GARS1: variants seen among roughly 807,000 people sequenced by gnomAD.
GARS1 encodes the protein glycyl-tRNA synthetase 1, also known as glycine--tRNA ligase.
GARS1 carries 46 observed loss-of-function variants against 86.4 expected under a neutral mutation model. The ratio of observed to expected loss-of-function variants is 0.53; its 90% CI spans 0.42 to 0.68. The LOEUF (loss-of-function observed/expected upper bound fraction) is 0.68, where lower values mean the gene tolerates loss of function less well. Ranked by LOEUF, GARS1 falls within the 30% of genes least tolerant of loss-of-function variation. The pLI, the probability that GARS1 is intolerant of heterozygous loss-of-function variation, is 0.00. For synonymous variants in GARS1, 342 were observed against 329.8 expected (o/e 1.04, Z -0.40); for missense variants, 797 against 915.6 (o/e 0.87, Z 1.67).
At chr7:30,625,248 T>A (rs1200138118) in intron 12 of GARS1, among the ~76,000 whole-genome samples, 1 of 152,120 alleles carries the variant, frequency 6.6e-6, no homozygotes, top group Non-Finnish European at 1.5e-5. Flanking sequence ...CTGACCCAAT[T>A]GCAACTCTTT....
intron 12 of GARS1, among the ~76,000 whole-genome samples, chr7:30,624,184 G>T (rs1384803339): frequency 6.6e-6 from 1 of 152,038 alleles, no homozygotes; most frequent in African/African-American, 2.4e-5. Flanking sequence ...GTTCTTTCTA[G>T]TGTGGCCCAG....
intron 6 of GARS1, among the ~76,000 whole-genome samples, chr7:30,605,015 T>G (rs1007979037): frequency 6.6e-4 from 101 of 152,230 alleles, no homozygotes; most frequent in African/African-American, 1.9e-3. Flanking sequence ...GAGCAATTTG[T>G]TTTTTGACTT....
intron 1 of GARS1, among the ~76,000 whole-genome samples, chr7:30,598,119 C>A (rs754747263): frequency 6.6e-6 from 1 of 151,804 alleles, no homozygotes; most frequent in Non-Finnish European, 1.5e-5. Flanking sequence ...TTTTTGTAAG[C>A]GAGAGGAGAG....
At chr7:30,612,770 C>T (rs899309154) in intron 8 of GARS1, among the ~76,000 whole-genome samples, 6 of 152,122 alleles carry the variant, frequency 3.9e-5, no homozygotes, top group African/African-American at 1.4e-4. Flanking sequence ...GGCCAGCAAG[C>T]AAGCTTACCC....
At chr7:30,617,739 A>G (rs1022925525) in intron 10 of GARS1, among the ~76,000 whole-genome samples, 1 of 152,186 alleles carries the variant, frequency 6.6e-6, no homozygotes, top group Admixed American at 6.5e-5. Flanking sequence ...TACCTTCCTC[A>G]AATGTTATGT....
chr7:30,631,963 A>G (rs1012725083), intron 15 of GARS1: 12 of 444,182 alleles, frequency 2.7e-5, no homozygotes, highest in Non-Finnish European at 5.0e-5. Flanking sequence ...GCTTAGAGCC[A>G]TAAAAATAGA....
chr7:30,604,440 C>G (rs879507829), intron 6 of GARS1, among the ~76,000 whole-genome samples: 2 of 152,190 alleles, frequency 1.3e-5, no homozygotes, highest in African/African-American at 2.4e-5. Context: ...ATCTCTCTCT[C>G]TCTCTCTGCC....
At chr7:30,595,676 A>G (rs1455640512) in intron 1 of GARS1, 2 of 446,276 alleles carry the variant, frequency 4.5e-6, no homozygotes, top group South Asian at 1.6e-5. Flanking sequence ...CCCCCTTAAC[A>G]TCTTCCTTCA....
chr7:30,622,120 G>A (rs938132558), intron 11 of GARS1, 197 bp from the exon 12 acceptor site: 5 of 622,374 alleles, frequency 8.0e-6, no homozygotes, highest in Non-Finnish European at 1.4e-5. Flanking sequence ...TCTATTGATG[G>A]TGTTAATTTT....
At chr7:30,603,362 T>C (rs1791418910) in intron 5 of GARS1, 134 bp from the exon 6 acceptor site, 1 of 797,222 alleles carries the variant, frequency 1.3e-6, no homozygotes, top group African/African-American at 1.7e-5. Context: ...ACTGCTGTTG[T>C]AAAATCAACT....
upstream of GARS1, chr7:30,594,747 C>T (rs948354997): frequency 1.5e-5 from 9 of 609,442 alleles, no homozygotes; most frequent in Admixed American, 1.2e-4. Context: ...CGGCGGGGTC[C>T]TTCCGGGTTT....
intron 6 of GARS1, among the ~76,000 whole-genome samples, chr7:30,607,635 A>C (rs532023964): frequency 3.3e-5 from 5 of 152,224 alleles, no homozygotes; most frequent in Non-Finnish European, 7.3e-5. Context: ...AACATGGCAC[A>C]TGTATACTTA....
At chr7:30,621,135 A>G (rs1782996984) in intron 10 of GARS1, among the ~76,000 whole-genome samples, 2 of 145,780 alleles carry the variant, frequency 1.4e-5, no homozygotes, top group African/African-American at 5.1e-5. Context: ...TGATCCTTCC[A>G]CCTCAGCGTC....
intron 13 of GARS1, among the ~76,000 whole-genome samples, chr7:30,626,631 A>G (rs1783133928): frequency 6.6e-6 from 1 of 152,182 alleles, no homozygotes; most frequent in African/African-American, 2.4e-5. Context: ...GATTACAGGC[A>G]TGAGTGACCA....
chr7:30,633,955 A>C lies in GARS1; in HGVS notation c.*95A>C. 8.3e-6 allele frequency: 12 copies of C among 1,444,576 alleles called. No individual in the cohort carries two copies. The highest frequency in any genetic ancestry group is 1.1e-5 in the Non-Finnish European group (12 of 1,061,070). 89.5% of individuals were successfully genotyped at this position (1,444,576 alleles called of 1,614,324 possible). ...TACAAAAGAAAACAGCATTGTGATTACTCCCAGGGACCGTATTTTATCTTC... is the reference window on the plus strand; with the variant it reads ...TACAAAAGAAAACAGCATTGTGATTCCTCCCAGGGACCGTATTTTATCTTC... On this transcript the variant is annotated 3_prime_UTR_variant, in exon 17 of 17. Coordinates refer to ENST00000389266, the MANE Select transcript of GARS1 (RefSeq NM_002047.4).
At chr7:30,624,230 A>G (rs375362475) in intron 12 of GARS1, among the ~76,000 whole-genome samples, 1 of 152,150 alleles carries the variant, frequency 6.6e-6, no homozygotes, top group African/African-American at 2.4e-5. Flanking sequence ...GTTTTAGACA[A>G]TCCGGGGCTC....
intron 8 of GARS1, among the ~76,000 whole-genome samples, chr7:30,612,910 G>T (rs1196393223): frequency 6.6e-6 from 1 of 152,158 alleles, no homozygotes; most frequent in Non-Finnish European, 1.5e-5. Context: ...AGCTGTTTAT[G>T]ACTTAAGTTT....
intron 12 of GARS1, chr7:30,622,784 G>C: frequency 2.8e-6 from 1 of 357,894 alleles, no homozygotes; most frequent in Non-Finnish European, 5.4e-6. Flanking sequence ...AATACTCTCT[G>C]TAATTGTTTA....
At chr7:30,597,011 T>C (rs577436869) in intron 1 of GARS1, among the ~76,000 whole-genome samples, 2 of 152,362 alleles carry the variant, frequency 1.3e-5, no homozygotes, top group South Asian at 4.1e-4. Flanking sequence ...AGTGAGTTTG[T>C]CACTTTAAGA....
Sources: gnomAD v4.1 joint callset for allele counts (sites outside exome capture counted in the v4.1 genomes callset) on GRCh38, gnomAD v4.1.1 for gene constraint, MANE v1.5 for transcripts, NCBI Gene and HGNC (gene_info 2026-07-23, HGNC 2026-07-21) for gene names.